Variants in SLIT3 observed in about 807,000 individuals in gnomAD.
SLIT3 encodes slit guidance ligand 3.
Under a neutral mutation model 184.0 loss-of-function variants are expected in SLIT3, and 68 were observed. The observed-to-expected ratio is 0.37, with a 90% CI of 0.30 to 0.45. The LOEUF (loss-of-function observed/expected upper bound fraction) is 0.45. Ranked by LOEUF, SLIT3 falls within the 20% of genes least tolerant of loss-of-function variation. The probability of loss-of-function intolerance (pLI) is 1.00; values close to 1 mark genes in which losing one functional copy is unlikely to be tolerated. For missense variants in SLIT3, 1,707 were observed against 2,026.0 expected (o/e 0.84, Z 3.02); for synonymous variants, 831 against 828.6 (o/e 1.00, Z -0.05).
intron 4 of SLIT3, among the ~76,000 whole-genome samples, chr5:169,007,410 T>C (rs1377797713): frequency 6.6e-6 from 1 of 152,178 alleles, no homozygotes; most frequent in Non-Finnish European, 1.5e-5. Flanking sequence ...TCACCAAGGA[T>C]GAAGGGGTGG....
At chr5:169,163,044 T>G (rs886508296) in intron 4 of SLIT3, among the ~76,000 whole-genome samples, 1 of 151,898 alleles carries the variant, frequency 6.6e-6, no homozygotes, top group African/African-American at 2.4e-5. Flanking sequence ...AAAAAGGGGC[T>G]GGGCACGGTG....
At chr5:168,761,353 C>T (rs754919855) in intron 15 of SLIT3, among the ~76,000 whole-genome samples, 2 of 152,226 alleles carry the variant, frequency 1.3e-5, no homozygotes, top group Admixed American at 6.5e-5. Context: ...AGGAGCAGCT[C>T]GGGAACTTCA....
intron 4 of SLIT3, among the ~76,000 whole-genome samples, chr5:169,014,024 G>A (rs577977967): frequency 5.3e-5 from 8 of 152,156 alleles, no homozygotes; most frequent in South Asian, 2.1e-4. Flanking sequence ...AAAATGCCTC[G>A]CAAAAACTTT....
chr5:168,763,247 G>C (rs1755222261), intron 14 of SLIT3, among the ~76,000 whole-genome samples: 1 of 152,088 alleles, frequency 6.6e-6, no homozygotes, highest in African/African-American at 2.4e-5. Context: ...CAAGTACATG[G>C]CAATAAATGA....
rs1013367668 is a variant in SLIT3, at chr5:168,665,275, C to A, written c.*1179G>T. The A allele has an allele frequency of 1.3e-5, 2 of 152,208 alleles. No homozygotes were observed. Among genetic ancestry groups the A allele is most frequent in the African/African-American group, 4.8e-5 (2 of 41,424 alleles). The allele number at this position is 152,208 out of a possible 1,614,324, so 9.4% of individuals were successfully genotyped here. A position where few individuals can be genotyped will look rare whatever the true frequency, so the allele number is the denominator to read the frequency against. On this transcript the variant is annotated 3_prime_UTR_variant, in exon 36 of 36. Transcript: ENST00000519560. Reference sequence around the variant, plus strand: ...AGTTTGGATATGCATTGGAAAGTGTCACAGATGGGCAAGGAGTCTCTATCG... The same window carrying A: ...AGTTTGGATATGCATTGGAAAGTGTAACAGATGGGCAAGGAGTCTCTATCG...
At chr5:168,998,265 A>C (rs1156630704) in intron 4 of SLIT3, among the ~76,000 whole-genome samples, 1 of 152,232 alleles carries the variant, frequency 6.6e-6, no homozygotes, top group Non-Finnish European at 1.5e-5. Context: ...TATAGAAAGG[A>C]CAACCAGCAC....
intron 1 of SLIT3, among the ~76,000 whole-genome samples, chr5:169,286,398 TC>T (rs1767151402): frequency 1.3e-5 from 2 of 152,272 alleles, no homozygotes; most frequent in South Asian, 4.2e-4. Flanking sequence ...ACCAGCCACT[TC>T]CCGAAGCAGC....
At chr5:168,942,631 GA>G (rs777955139) in intron 4 of SLIT3, among the ~76,000 whole-genome samples, 24 of 152,232 alleles carry the variant, frequency 1.6e-4, no homozygotes, top group Non-Finnish European at 3.1e-4. Flanking sequence ...ACTATCCTAC[GA>G]ATATATGTAC....
At chr5:168,931,944 T>G (rs997477715) in intron 4 of SLIT3, among the ~76,000 whole-genome samples, 3 of 152,184 alleles carry the variant, frequency 2.0e-5, no homozygotes, top group Non-Finnish European at 4.4e-5. Flanking sequence ...CGCTCTACTC[T>G]TCTGAGTAAC....
At chr5:168,853,615 A>C (rs935077024) in intron 5 of SLIT3, among the ~76,000 whole-genome samples, 1 of 152,184 alleles carries the variant, frequency 6.6e-6, no homozygotes, top group Non-Finnish European at 1.5e-5. Flanking sequence ...TAAGTGTCTT[A>C]TGCCAGTCTG....
chr5:169,174,936 C>A (rs933880386), intron 4 of SLIT3, among the ~76,000 whole-genome samples: 1 of 115,564 alleles, frequency 8.7e-6, no homozygotes, highest in East Asian at 2.8e-4. Context: ...GATGAAAATA[C>A]CCTTTGCTCT....
chr5:169,259,384 C>A (rs1349950293), intron 1 of SLIT3, among the ~76,000 whole-genome samples: 1 of 152,204 alleles, frequency 6.6e-6, no homozygotes, highest in Non-Finnish European at 1.5e-5. Flanking sequence ...AAACAGCATT[C>A]AGAGTGGTTA....
chr5:168,843,860 T>C (rs1244134825), intron 6 of SLIT3, among the ~76,000 whole-genome samples: 1 of 152,148 alleles, frequency 6.6e-6, no homozygotes, highest in Admixed American at 6.5e-5. Flanking sequence ...GTTTTCTTAG[T>C]TAGACTCATT....
intron 4 of SLIT3, among the ~76,000 whole-genome samples, chr5:169,093,382 T>A (rs1209858467): frequency 1.3e-5 from 2 of 151,516 alleles, no homozygotes; most frequent in Non-Finnish European, 2.9e-5. Context: ...GAGCCAGGAT[T>A]TGAGTCCAGT....
intron 9 of SLIT3, among the ~76,000 whole-genome samples, chr5:168,796,858 G>T (rs1756580298): frequency 6.6e-6 from 1 of 152,086 alleles, no homozygotes; most frequent in African/African-American, 2.4e-5. Context: ...CTGCTAATGT[G>T]GAATGGTTTG....
At chr5:169,017,015 C>T (rs918872423) in intron 4 of SLIT3, among the ~76,000 whole-genome samples, 1 of 152,198 alleles carries the variant, frequency 6.6e-6, no homozygotes, top group African/African-American at 2.4e-5. Flanking sequence ...CCATACTGTG[C>T]TGTTCCTTGT....
At chr5:168,716,218 GC>G (rs1317511100) in intron 23 of SLIT3, among the ~76,000 whole-genome samples, 2 of 152,024 alleles carry the variant, frequency 1.3e-5, no homozygotes, top group Non-Finnish European at 2.9e-5. Context: ...CTTGGGATCT[GC>G]CCACCTCAGC....
chr5:169,163,938 C>T (rs1247181974), intron 4 of SLIT3, among the ~76,000 whole-genome samples: 1 of 152,102 alleles, frequency 6.6e-6, no homozygotes, highest in Non-Finnish European at 1.5e-5. Flanking sequence ...CTTGCGGGCC[C>T]CCAGTGAGAA....
chr5:169,204,105 G>A (rs184193130), intron 3 of SLIT3, among the ~76,000 whole-genome samples: 1 of 152,104 alleles, frequency 6.6e-6, no homozygotes, highest in African/African-American at 2.4e-5. Flanking sequence ...CCAGAGAGAG[G>A]AGGAAACAGC....
Sources: gnomAD v4.1 joint callset for allele counts (sites outside exome capture counted in the v4.1 genomes callset) on GRCh38, gnomAD v4.1.1 for gene constraint, MANE v1.5 for transcripts, NCBI Gene and HGNC (gene_info 2026-07-23, HGNC 2026-07-21) for gene names.